CCSER2: variants seen among roughly 807,000 people sequenced by gnomAD.
CCSER2 encodes the protein serine-rich coiled-coil domain-containing protein 2.
In CCSER2, 46 loss-of-function variants were observed where a neutral mutation model predicts 92.3. That is an observed-to-expected ratio of 0.50 (90% CI 0.39 to 0.64). CCSER2 has a LOEUF of 0.64. CCSER2 is among the 30% of genes least tolerant of loss of function. CCSER2 has a pLI of 0.00. For missense variants in CCSER2, 1,244 were observed against 1,238.9 expected (o/e 1.00, Z -0.06); for synonymous variants, 433 against 431.4 (o/e 1.00, Z -0.04).
intron 9 of CCSER2, among the ~76,000 whole-genome samples, chr10:84,484,197 C>T (rs1032344909): frequency 4.6e-5 from 7 of 151,334 alleles, no homozygotes; most frequent in African/African-American, 7.3e-5. Flanking sequence ...AGGATGGTCT[C>T]TATCTCCTGA....
chr10:84,395,173 A>G (rs1290738282), intron 3 of CCSER2, among the ~76,000 whole-genome samples: 2 of 150,880 alleles, frequency 1.3e-5, no homozygotes, highest in East Asian at 3.9e-4. Flanking sequence ...GCAATGAGCC[A>G]TGATTGCGCC....
chr10:84,514,985 A>G lies in CCSER2; in HGVS notation c.*718A>G, dbSNP rs1849547188. 1 of 152,608 alleles carries G rather than the reference A, an allele frequency of 6.6e-6. No individual in the cohort carries two copies. Among genetic ancestry groups the G allele is most frequent in the Non-Finnish European group, 1.5e-5 (1 of 68,036 alleles). The allele number at this position is 152,608 out of a possible 1,614,324, so 9.5% of individuals were successfully genotyped here. On this transcript the variant is annotated 3_prime_UTR_variant, in exon 10 of 10. Coordinates refer to ENST00000372088, the MANE Select transcript of CCSER2 (RefSeq NM_001284240.2). ...TGCATGCACACACACATATACACAC[A>G]CATACCATTTATGTTTGTATTTGTT...
intron 1 of CCSER2, among the ~76,000 whole-genome samples, chr10:84,359,529 T>C (rs775408993): frequency 5.9e-5 from 9 of 152,200 alleles, no homozygotes; most frequent in Non-Finnish European, 1.3e-4. Flanking sequence ...AATCTATTTT[T>C]AACAAGTTTC....
chr10:84,380,694 C>CTTTTTT (rs34999469), intron 3 of CCSER2, among the ~76,000 whole-genome samples: 2 of 133,726 alleles, frequency 1.5e-5, no homozygotes, highest in Non-Finnish European at 1.6e-5. Flanking sequence ...TGTTCCTTTT[C>CTTTTTT]TTTTTTTTTT....
At chr10:84,395,690 C>T (rs1243682410) in intron 3 of CCSER2, among the ~76,000 whole-genome samples, 2 of 152,164 alleles carry the variant, frequency 1.3e-5, no homozygotes, top group Non-Finnish European at 1.5e-5. Context: ...TGTGGAACCT[C>T]TTTCTACCTT....
At chr10:84,408,851 C>G (rs1842502953) in intron 3 of CCSER2, among the ~76,000 whole-genome samples, 1 of 152,080 alleles carries the variant, frequency 6.6e-6, no homozygotes, top group Non-Finnish European at 1.5e-5. Context: ...CATACACAAA[C>G]AGCCAAATGT....
chr10:84,468,008 C>G (rs1564696734), intron 7 of CCSER2, among the ~76,000 whole-genome samples: 1 of 152,192 alleles, frequency 6.6e-6, no homozygotes, highest in African/African-American at 2.4e-5. Context: ...ATCTCAAATG[C>G]AAATCTGTCA....
chr10:84,349,440 G>C (rs893568244), intron 1 of CCSER2, among the ~76,000 whole-genome samples: 4 of 151,730 alleles, frequency 2.6e-5, no homozygotes, highest in Non-Finnish European at 4.4e-5. Flanking sequence ...GGGGAGGCAG[G>C]AGGGTCACTT....
chr10:84,415,935 G>C (rs144774938), intron 3 of CCSER2, among the ~76,000 whole-genome samples: 16 of 152,318 alleles, frequency 1.1e-4, no homozygotes, highest in African/African-American at 3.8e-4. Flanking sequence ...CTTGGATTCA[G>C]CTCCACTCCT....
intron 6 of CCSER2, among the ~76,000 whole-genome samples, chr10:84,462,894 C>G (rs966361308): frequency 2.6e-5 from 4 of 152,168 alleles, no homozygotes; most frequent in Non-Finnish European, 2.9e-5. Flanking sequence ...AAAGATATAT[C>G]TGAGGAAGAT....
At chr10:84,510,137 TG>T (rs1320360058) in intron 9 of CCSER2, among the ~76,000 whole-genome samples, 14 of 152,212 alleles carry the variant, frequency 9.2e-5, no homozygotes, top group African/African-American at 3.4e-4. Flanking sequence ...CCCTTAGCTA[TG>T]CTTTTGCACT....
At chr10:84,443,131 G>A (rs1478609021) in intron 6 of CCSER2, among the ~76,000 whole-genome samples, 1 of 152,196 alleles carries the variant, frequency 6.6e-6, no homozygotes, top group Non-Finnish European at 1.5e-5. Flanking sequence ...GGCAGCAAAA[G>A]CCAAAATTGA....
chr10:84,493,254 C>T (rs971552834), intron 9 of CCSER2, among the ~76,000 whole-genome samples: 3 of 152,096 alleles, frequency 2.0e-5, no homozygotes, highest in Non-Finnish European at 4.4e-5. Context: ...TAAAGTTGTT[C>T]ATAATATTCC....
intron 7 of CCSER2, among the ~76,000 whole-genome samples, chr10:84,466,188 A>T (rs1846417663): frequency 6.6e-6 from 1 of 152,182 alleles, no homozygotes; most frequent in African/African-American, 2.4e-5. Context: ...TTGCATTTTA[A>T]TCAGCAAATC....
chr10:84,365,332 A>G (rs1000862237), intron 1 of CCSER2, among the ~76,000 whole-genome samples: 1 of 152,234 alleles, frequency 6.6e-6, no homozygotes, highest in African/African-American at 2.4e-5. Context: ...GGCTACCAAA[A>G]TGAAGCAGAC....
intron 3 of CCSER2, among the ~76,000 whole-genome samples, chr10:84,410,603 T>C (rs1380983804): frequency 6.6e-6 from 1 of 152,232 alleles, no homozygotes; most frequent in Non-Finnish European, 1.5e-5. Context: ...CATGTTTTAT[T>C]GGGATTGTTT....
chr10:84,349,481 A>G (rs957210817), intron 1 of CCSER2, among the ~76,000 whole-genome samples: 1 of 151,884 alleles, frequency 6.6e-6, no homozygotes, highest in Non-Finnish European at 1.5e-5. Flanking sequence ...AGCCTGGGCA[A>G]CATACTGAGA....
At chr10:84,484,943 A>T (rs549341498) in intron 9 of CCSER2, among the ~76,000 whole-genome samples, 28 of 152,338 alleles carry the variant, frequency 1.8e-4, no homozygotes, top group African/African-American at 6.7e-4. Flanking sequence ...TATGGATATT[A>T]TAGCAGTTGA....
chr10:84,407,242 C>G (rs1842423937), intron 3 of CCSER2, among the ~76,000 whole-genome samples: 1 of 152,190 alleles, frequency 6.6e-6, no homozygotes, highest in African/African-American at 2.4e-5. Context: ...CTTTTACATT[C>G]TACCAGATTT....
Sources: gnomAD v4.1 joint callset for allele counts (sites outside exome capture counted in the v4.1 genomes callset) on GRCh38, gnomAD v4.1.1 for gene constraint, MANE v1.5 for transcripts, NCBI Gene and HGNC (gene_info 2026-07-23, HGNC 2026-07-21) for gene names.